The following SLC39A8 variants were observed in gnomAD, a reference collection of about 807,000 sequenced individuals.
The protein encoded by SLC39A8 is solute carrier family 39 member 8, also known as metal cation symporter ZIP8.
SLC39A8 carries 15 observed loss-of-function variants against 40.4 expected under a neutral mutation model. That is an observed-to-expected ratio of 0.37 (90% CI 0.25 to 0.57). The LOEUF is 0.57. SLC39A8 is among the 20% of genes least tolerant of loss of function. The probability of loss-of-function intolerance (pLI) is 0.75; values close to 1 mark genes in which losing one functional copy is unlikely to be tolerated. For synonymous variants in SLC39A8, 223 were observed against 221.6 expected (o/e 1.01, Z -0.06); for missense variants, 472 against 558.8 (o/e 0.84, Z 1.57).
intron 2 of SLC39A8, among the ~76,000 whole-genome samples, chr4:102,320,175 A>ATATATATATATATATGTATATATATATG (rs1734848955): frequency 8.2e-6 from 1 of 121,764 alleles, no homozygotes; most frequent in Admixed American, 8.5e-5. Context: ...ATACATATAT[A>ATATATATATATATATGTATATATATATG]TATATATATA....
At chr4:102,307,165 TAA>T (rs1485192269) in intron 4 of SLC39A8, among the ~76,000 whole-genome samples, 1 of 152,096 alleles carries the variant, frequency 6.6e-6, no homozygotes, top group Non-Finnish European at 1.5e-5. Context: ...CAAGGCAGAA[TAA>T]AGTTTTAAGG....
intron 6 of SLC39A8, among the ~76,000 whole-genome samples, chr4:102,280,723 A>G (rs2149015502): frequency 6.6e-6 from 1 of 152,352 alleles, no homozygotes; most frequent in African/African-American, 2.4e-5. Context: ...ATTCAGTTTC[A>G]GGTAAAGCTC....
At chr4:102,259,073 C>G (rs1367239126), downstream of SLC39A8, among the ~76,000 whole-genome samples, 1 of 152,238 alleles carries the variant, frequency 6.6e-6, no homozygotes, top group African/African-American at 2.4e-5. Flanking sequence ...CTGAGCCTCT[C>G]TACAGACACC....
chr4:102,340,941 G>T (rs1735915801), intron 2 of SLC39A8, among the ~76,000 whole-genome samples: 1 of 152,212 alleles, frequency 6.6e-6, no homozygotes. Context: ...TTAAGAAGTG[G>T]TTGAGCAAAA....
In SLC39A8 at chr4:102,320,353, AATATATAT is replaced by A. The variant is rs1176040983; in HGVS notation, c.220-4531_220-4524del. ...GTATATATGAGTATATATATATGAGAATATATATATGAGTATATATATATGAGAATATA... is the reference window on the plus strand; with the variant it reads ...GTATATATGAGTATATATATATGAGAATGAGTATATATATATGAGAATATA... On this transcript the variant is annotated intron_variant, in intron 2 of 8. Coordinates refer to ENST00000356736, the MANE Select transcript of SLC39A8 (RefSeq NM_001135146.2). Among the ~76,000 whole-genome samples the A allele has an allele frequency of 1.8e-3, 226 of 125,684 alleles. 3 individuals carry two copies. Among genetic ancestry groups the A allele is most frequent in the Middle Eastern group, 4.9e-3 (1 of 206 alleles). The allele number at this position is 125,684 out of a possible 152,430, so 82.5% of individuals were successfully genotyped here.
intron 2 of SLC39A8, among the ~76,000 whole-genome samples, chr4:102,316,298 C>T (rs1734653108): frequency 6.6e-6 from 1 of 152,054 alleles, no homozygotes; most frequent in South Asian, 2.1e-4. Context: ...CTAAGAAATT[C>T]CTCTCTTCTC....
intron 3 of SLC39A8, among the ~76,000 whole-genome samples, chr4:102,312,567 G>A (rs1329923612): frequency 6.6e-6 from 1 of 152,004 alleles, no homozygotes; most frequent in Non-Finnish European, 1.5e-5. Context: ...AGCAACTGGG[G>A]TTAAAAAATT....
At chr4:102,253,335 T>G (rs1488872173) in exon 12 of SLC39A8, 1 of 685,922 alleles carries the variant, frequency 1.5e-6, no homozygotes, top group African/African-American at 1.8e-5. Context: ...GTCATAACTA[T>G]GTCATATGCC....
downstream of SLC39A8, among the ~76,000 whole-genome samples, chr4:102,260,733 A>G (rs1731826903): frequency 6.6e-6 from 1 of 152,234 alleles, no homozygotes; most frequent in East Asian, 1.9e-4. Context: ...TCCTAAACAC[A>G]GTGCTACTGG....
At position 102,305,210 on chromosome 4, in the gene SLC39A8, T is replaced by C. The variant is rs1578595658; in HGVS notation, c.553-99A>G. 13 of 1,201,020 alleles carry C rather than the reference T, an allele frequency of 1.1e-5. No individual in the cohort carries two copies. In the East Asian group the frequency reaches 3.0e-4, roughly 27 times the overall value. 74.4% of individuals were successfully genotyped at this position (1,201,020 alleles called of 1,614,324 possible). ...GCAATTCTCACCAATGTTCTAAGTC[T>C]CTCTTCACATCCAAGTAATATTGGA... is the stretch of plus-strand genomic sequence containing the variant. On this transcript the variant is annotated intron_variant, in intron 4 of 8. Transcript: ENST00000356736.
At chr4:102,255,308 A>G (rs1474815923) in intron 11 of SLC39A8, among the ~76,000 whole-genome samples, 2 of 152,172 alleles carry the variant, frequency 1.3e-5, no homozygotes, top group Admixed American at 1.3e-4. Context: ...ATACTGAGAT[A>G]CTAGAATAAC....
intron 2 of SLC39A8, among the ~76,000 whole-genome samples, chr4:102,328,791 CA>C (rs1312970467): frequency 1.3e-5 from 2 of 151,984 alleles, no homozygotes; most frequent in African/African-American, 4.8e-5. Context: ...TTTGGGAGAC[CA>C]AGGTGGGAGG....
In SLC39A8 at chr4:102,332,169, A is replaced by C. The variant is rs1037283616; in HGVS notation, c.219+12275T>G. On this transcript the variant is annotated intron_variant, in intron 2 of 8. Transcript: ENST00000356736. ...ACAAAAGCCAAAATTGACAAATGGG[A>C]TCTAATTAAACTAAAGAGCTTCTGC... 2.0e-5 allele frequency among the ~76,000 whole-genome samples: 3 copies of C among 152,330 alleles called. No individual in the cohort carries two copies. In the South Asian group the frequency reaches 6.2e-4, roughly 32 times the overall value.
chr4:102,267,871 C>T lies in SLC39A8; in HGVS notation c.1048+1G>A. 6.2e-7 allele frequency: 1 copy of T among 1,613,862 alleles called. No individual in the cohort carries two copies. The highest frequency in any genetic ancestry group is 8.5e-7 in the Non-Finnish European group (1 of 1,179,912). On this transcript the variant is annotated splice_donor_variant, in intron 7 of 8. Transcript: ENST00000356736. LOFTEE classifies it high-confidence loss of function. ...TTTACAATATGAACAGAGCTCCTTA[C>T]CTAACTCGTGGGGAAACTCCTCACA...
chr4:102,344,894 G>A lies in SLC39A8; in HGVS notation c.-232C>T. The stretch of plus-strand genomic sequence containing the variant: ...CCGAGGGGAGCGATAGGCGGAGTGG[G>A]CCCCCCGGCCTCCTGGAGAGCCTGA... On this transcript the variant is annotated 5_prime_UTR_variant, in exon 2 of 9. Coordinates refer to ENST00000356736, the MANE Select transcript of SLC39A8 (RefSeq NM_001135146.2). 7.7e-7 allele frequency: 1 copy of A among 1,299,692 alleles called. No homozygotes were observed. Among genetic ancestry groups the A allele is most frequent in the Non-Finnish European group, 9.7e-7 (1 of 1,028,872 alleles). The allele number at this position is 1,299,692 out of a possible 1,614,324, so 80.5% of individuals were successfully genotyped here.
At chr4:102,276,451 C>T (rs186149666) in intron 6 of SLC39A8, among the ~76,000 whole-genome samples, 1 of 151,902 alleles carries the variant, frequency 6.6e-6, no homozygotes, top group Non-Finnish European at 1.5e-5. Flanking sequence ...AAGTCGAAAC[C>T]CTGAAAAGGC....
Position 102,262,421 on chromosome 4 carries a change from CTT to C in SLC39A8, c.*621_*622del, listed in dbSNP as rs1031564192. 3.0e-6 allele frequency: 3 copies of C among 985,322 alleles called. No individual in the cohort carries two copies. Among genetic ancestry groups the C allele is most frequent in the Non-Finnish European group, 3.6e-6 (3 of 829,890 alleles). The allele number at this position is 985,322 out of a possible 1,614,324, so 61.0% of individuals were successfully genotyped here. ...CCTGAACTTAGCAGGGCTAGCAAAA[CTT>C]TATTTATTTCCTAACTCCTATTATT... On this transcript the variant is annotated 3_prime_UTR_variant, in exon 9 of 9. Transcript: ENST00000356736.
chr4:102,257,956 T>C (rs1412257687), downstream of SLC39A8, among the ~76,000 whole-genome samples: 1 of 152,136 alleles, frequency 6.6e-6, no homozygotes, highest in East Asian at 1.9e-4. Context: ...CTGCAAGAGG[T>C]CAGCAGTGTG....
intron 2 of SLC39A8, among the ~76,000 whole-genome samples, chr4:102,335,906 C>T (rs1054833792): frequency 6.6e-6 from 1 of 151,994 alleles, no homozygotes; most frequent in African/African-American, 2.4e-5. Flanking sequence ...CATGGCTGTG[C>T]TTTCTTCTTT....
Sources: allele counts gnomAD v4.1 joint callset (sites outside exome capture counted in the v4.1 genomes callset), GRCh38; gene constraint gnomAD v4.1.1; transcripts MANE v1.5; gene names NCBI Gene and HGNC (gene_info 2026-07-23, HGNC 2026-07-21).